FAM117B: variants seen among roughly 807,000 people sequenced by gnomAD.
FAM117B encodes family with sequence similarity 117 member B.
Under a neutral mutation model 52.8 loss-of-function variants are expected in FAM117B, and 22 were observed. The observed-to-expected ratio is 0.42, with a 90% CI of 0.30 to 0.59. The LOEUF (loss-of-function observed/expected upper bound fraction) is 0.59, where lower values mean the gene tolerates loss of function less well. Among genes scored for constraint, FAM117B ranks in the 20% least tolerant of loss-of-function variants. The probability of loss-of-function intolerance (pLI) is 0.22; values close to 1 mark genes in which losing one functional copy is unlikely to be tolerated. For synonymous variants in FAM117B, 309 were observed against 324.1 expected (o/e 0.95, Z 0.50); for missense variants, 678 against 802.6 (o/e 0.84, Z 1.88).
chr2:202,652,642 A>T (rs1368246597), intron 1 of FAM117B, among the ~76,000 whole-genome samples: 2 of 152,006 alleles, frequency 1.3e-5, no homozygotes, highest in East Asian at 3.9e-4. Context: ...TGCAGTCAGG[A>T]ATTGTTGGGT....
At chr2:202,696,964 G>T (rs1690720761) in intron 2 of FAM117B, among the ~76,000 whole-genome samples, 1 of 152,178 alleles carries the variant, frequency 6.6e-6, no homozygotes, top group Non-Finnish European at 1.5e-5. Context: ...AGCTACTTGG[G>T]AGGCTGAGGC....
chr2:202,688,984 A>C (rs1279771177), intron 1 of FAM117B, among the ~76,000 whole-genome samples: 1 of 152,236 alleles, frequency 6.6e-6, no homozygotes. Context: ...AAACATAGTG[A>C]TGTGTTGTAG....
Position 202,722,171 on chromosome 2 carries a change from C to T in FAM117B, c.754-2746C>T, listed in dbSNP as rs553581493. On this transcript the variant is annotated intron_variant, in intron 2 of 7. Coordinates refer to ENST00000392238, the MANE Select transcript of FAM117B (RefSeq NM_173511.4). The stretch of plus-strand genomic sequence containing the variant: ...GATTACACGTGCCTGCCACCACGCC[C>T]GGCTAATTTTTTGTACTTTTTGTAG... Among the ~76,000 whole-genome samples, 12 of 151,880 alleles carry T rather than the reference C, an allele frequency of 7.9e-5. No individual in the cohort carries two copies. In the South Asian group the frequency reaches 1.3e-3, roughly 16 times the overall value.
rs777773978 is a variant in FAM117B at position 202,765,708 on chromosome 2, A to G, written c.1714A>G (p.Met572Val). Residue 572 changes from methionine (M) to valine (V), a missense_variant, in exon 8 of 8, where the codon ATG (methionine) becomes GTG (valine). Coordinates refer to ENST00000392238, the MANE Select transcript of FAM117B (RefSeq NM_173511.4). ...AGTCTCTCGAGGAACAAGTACAGTCATGCCATCAGCTTCTCTACTCCCACC... is the reference window on the plus strand; with the variant it reads ...AGTCTCTCGAGGAACAAGTACAGTCGTGCCATCAGCTTCTCTACTCCCACC... ...DRVSRGTSTV[M>V]PSASLLPPPE... 1.2e-6 allele frequency: 2 copies of G among 1,614,160 alleles called. No homozygotes were observed. Among genetic ancestry groups the G allele is most frequent in the Non-Finnish European group, 1.7e-6 (2 of 1,180,026 alleles).
chr2:202,654,062 T>TGA (rs60490884), intron 1 of FAM117B, among the ~76,000 whole-genome samples: 35,465 of 134,492 alleles, frequency 0.26, 4,461 homozygotes, highest in Middle Eastern at 0.37. Context: ...AGAGAGTGAG[T>TGA]GAGAGAGAGA....
At chr2:202,696,926 G>A (rs939292927) in intron 2 of FAM117B, among the ~76,000 whole-genome samples, 3 of 152,096 alleles carry the variant, frequency 2.0e-5, no homozygotes, top group Admixed American at 6.6e-5. Flanking sequence ...AAAATTAGCC[G>A]GGCATGCTGG....
intron 6 of FAM117B, among the ~76,000 whole-genome samples, chr2:202,759,001 A>G (rs1221305491): frequency 6.6e-6 from 1 of 152,224 alleles, no homozygotes; most frequent in Non-Finnish European, 1.5e-5. Flanking sequence ...CAGCTAGATC[A>G]GTGTTCACTA....
intron 4 of FAM117B, among the ~76,000 whole-genome samples, chr2:202,748,063 A>G (rs958460002): frequency 6.6e-6 from 1 of 152,208 alleles, no homozygotes; most frequent in African/African-American, 2.4e-5. Context: ...TTCAAAATAT[A>G]TTACACAAAG....
rs536719253 is a variant in FAM117B at position 202,740,046 on chromosome 2, G to A, written c.960+13683G>A. Among the ~76,000 whole-genome samples the A allele has an allele frequency of 2.8e-3, 418 of 151,178 alleles. 1 individual carries two copies. Among genetic ancestry groups the A allele is most frequent in the Non-Finnish European group, 4.6e-3 (309 of 67,734 alleles). ...AAATTAGCCAGGCGTGGTGGCGGGC[G>A]CCTGTAGTCCCAGCTACTTCGGAGG... is the stretch of plus-strand genomic sequence containing the variant. On this transcript the variant is annotated intron_variant, in intron 4 of 7. Transcript: ENST00000392238.
At chr2:202,676,109 A>G (rs73992634) in intron 1 of FAM117B, among the ~76,000 whole-genome samples, 11,967 of 152,124 alleles carry the variant, frequency 0.079, 1,572 homozygotes, top group African/African-American at 0.27. Context: ...CTGTTGGGGA[A>G]GCAACTTGCT....
intron 4 of FAM117B, among the ~76,000 whole-genome samples, chr2:202,728,516 G>A (rs1691291122): frequency 6.6e-6 from 1 of 152,150 alleles, no homozygotes; most frequent in South Asian, 2.1e-4. Context: ...TCAAGAGGCT[G>A]AAGACCCAGA....
chr2:202,757,452 G>A lies in FAM117B; in HGVS notation c.1330+14G>A, dbSNP rs780426939. 25 of 1,610,616 alleles carry A rather than the reference G, an allele frequency of 1.6e-5. No individual in the cohort carries two copies. In the Middle Eastern group the frequency reaches 6.6e-4, roughly 42 times the overall value. On this transcript the variant is annotated intron_variant, in intron 6 of 7. Coordinates refer to ENST00000392238, the MANE Select transcript of FAM117B (RefSeq NM_173511.4). ...CCAGAGATAAAGGTACAGTGCTGGA[G>A]GAATGTGCTACTAGATGATAATGGA...
In FAM117B at chr2:202,761,596, G is replaced by T. The variant is rs573151804; in HGVS notation, c.1451+2243G>T. ...GGCTGGAGTGCAATGGCATGATCTT[G>T]GCTCACTGCAACCTCTGCCACCCAG... On this transcript the variant is annotated intron_variant, in intron 7 of 7. Coordinates refer to ENST00000392238, the MANE Select transcript of FAM117B (RefSeq NM_173511.4). 3.8e-4 allele frequency among the ~76,000 whole-genome samples: 58 copies of T among 152,078 alleles called. 2 individuals are homozygous for T. The South Asian group carries it at 0.012, about 32-fold the overall frequency.
chr2:202,759,685 G>T (rs1691855494), intron 7 of FAM117B, among the ~76,000 whole-genome samples: 1 of 151,166 alleles, frequency 6.6e-6, no homozygotes, highest in South Asian at 2.1e-4. Flanking sequence ...AGCCTCCTGA[G>T]TAGCAGGGAC....
At position 202,656,106 on chromosome 2, in the gene FAM117B, A is replaced by G. The variant is rs182019608; in HGVS notation, c.601+20318A>G. Among the ~76,000 whole-genome samples the G allele has an allele frequency of 4.1e-4, 63 of 151,864 alleles. No individual in the cohort carries two copies. In the South Asian group the frequency reaches 4.8e-3, roughly 12 times the overall value. ...TCATTCCTGATTTGAATATTTGTAT[A>G]TTTTCTCTTTGTTTGGTCAGAATGG... On this transcript the variant is annotated intron_variant, in intron 1 of 7. Coordinates refer to ENST00000392238, the MANE Select transcript of FAM117B (RefSeq NM_173511.4).
chr2:202,747,959 A>C (rs1261974369), intron 4 of FAM117B, among the ~76,000 whole-genome samples: 1 of 152,220 alleles, frequency 6.6e-6, no homozygotes, highest in East Asian at 1.9e-4. Flanking sequence ...GAAATAGAAG[A>C]AACAATCCTA....
chr2:202,667,672 C>CT (rs972671235), intron 1 of FAM117B, among the ~76,000 whole-genome samples: 16 of 152,044 alleles, frequency 1.1e-4, no homozygotes, highest in African/African-American at 3.6e-4. Flanking sequence ...TTTGGCCCCA[C>CT]TAGATAGTGT....
chr2:202,729,182 A>G (rs1430509150), intron 4 of FAM117B, among the ~76,000 whole-genome samples: 1 of 152,240 alleles, frequency 6.6e-6, no homozygotes, highest in African/African-American at 2.4e-5. Context: ...TACTAAAAAT[A>G]CAAAAATTAG....
chr2:202,758,774 T>G (rs1022508538), intron 6 of FAM117B, among the ~76,000 whole-genome samples: 1 of 152,002 alleles, frequency 6.6e-6, no homozygotes, highest in African/African-American at 2.4e-5. Context: ...AAGGGGAAAT[T>G]CATAGGCAAA....
Sources: gnomAD v4.1 joint callset for allele counts (sites outside exome capture counted in the v4.1 genomes callset) on GRCh38, gnomAD v4.1.1 for gene constraint, MANE v1.5 for transcripts, NCBI Gene and HGNC (gene_info 2026-07-23, HGNC 2026-07-21) for gene names.